The following FAM98A variants were observed in gnomAD, a reference collection of about 807,000 sequenced individuals.
FAM98A encodes the protein tRNA splicing ligase complex subunit 3A, also known as protein FAM98A.
Under a neutral mutation model 62.9 loss-of-function variants are expected in FAM98A, and 25 were observed. The observed-to-expected ratio is 0.40, with a 90% CI of 0.29 to 0.56. The LOEUF (loss-of-function observed/expected upper bound fraction) is 0.56, where lower values mean the gene tolerates loss of function less well. Among genes scored for constraint, FAM98A ranks in the 20% least tolerant of loss-of-function variants. The pLI is 0.51. For missense variants in FAM98A, 653 were observed against 640.7 expected (o/e 1.02, Z -0.21); for synonymous variants, 252 against 228.6 (o/e 1.10, Z -0.92).
intron 3 of FAM98A, 149 bp from the exon 4 acceptor site, chr2:33,588,668 C>T (rs1002225387): frequency 3.0e-5 from 14 of 472,062 alleles, no homozygotes; most frequent in Non-Finnish European, 5.1e-5. Context: ...CTTTTACCTG[C>T]AAATGAAATA....
In FAM98A at chr2:33,585,433, G is replaced by A; in HGVS notation, c.900C>T (p.Gly300=). 6.2e-7 allele frequency: 1 copy of A among 1,614,054 alleles called. No individual in the cohort carries two copies. The highest frequency in any genetic ancestry group is 1.1e-5 in the South Asian group (1 of 91,068). ...GTCTACCACCTCTGTCAGGCACCCT[G>A]CCCATCAACACCTACAGAATAGGAA... ...TACAINKVLM[G]RVPDRGGRPN... Residue 300 remains glycine, a synonymous_variant, in exon 8 of 8, where the codon GGC becomes GGT. Coordinates refer to ENST00000238823, the MANE Select transcript of FAM98A (RefSeq NM_015475.5).
chr2:33,590,317 T>G (rs6708570), intron 3 of FAM98A, among the ~76,000 whole-genome samples: 121,962 of 152,038 alleles, frequency 0.8, 49,561 homozygotes, highest in African/African-American at 0.9. Context: ...ATTCTATTTT[T>G]CCAACAATTC....
intron 3 of FAM98A, among the ~76,000 whole-genome samples, chr2:33,590,230 C>T (rs1317785014): frequency 6.6e-6 from 1 of 152,134 alleles, no homozygotes; most frequent in Middle Eastern, 3.4e-3. Context: ...CTCTGAGAAC[C>T]ATAAAAGGCC....
In FAM98A at chr2:33,599,275, C is replaced by T; in HGVS notation, c.-54G>A. 7.0e-7 allele frequency: 1 copy of T among 1,435,756 alleles called. No individual in the cohort carries two copies. Among genetic ancestry groups the T allele is most frequent in the South Asian group, 1.1e-5 (1 of 87,582 alleles). 88.9% of individuals were successfully genotyped at this position (1,435,756 alleles called of 1,614,324 possible). ...GTCAGGCTCCCCTCTTCGCCGGCAA[C>T]GCGTACACTCGCGCATGCGCGACTT... On this transcript the variant is annotated 5_prime_UTR_variant, in exon 1 of 8. Transcript: ENST00000238823.
intron 6 of FAM98A, among the ~76,000 whole-genome samples, chr2:33,585,946 G>T (rs191449839): frequency 6.6e-6 from 1 of 152,142 alleles, no homozygotes; most frequent in Admixed American, 6.5e-5. Context: ...GTGAGAGGGT[G>T]CCCCTTTAGG....
chr2:33,596,122 C>A (rs1403393093), intron 1 of FAM98A, among the ~76,000 whole-genome samples: 1 of 152,108 alleles, frequency 6.6e-6, no homozygotes, highest in African/African-American at 2.4e-5. Context: ...GGCTGAAGTG[C>A]AGTGAAGGCA....
rs1304584135 is a variant in FAM98A, at chr2:33,591,891, A to T, written c.337+189T>A. 4 of 467,288 alleles carry T rather than the reference A, an allele frequency of 8.6e-6. No individual in the cohort carries two copies. The East Asian group carries it at 1.3e-4, about 15-fold the overall frequency. 28.9% of individuals were successfully genotyped at this position (467,288 alleles called of 1,614,324 possible). The stretch of plus-strand genomic sequence containing the variant: ...TATTGAAAGAGTATCAGTTACAAAA[A>T]CAATAATGCTACCAGTGCACACGTC... On this transcript the variant is annotated intron_variant, in intron 3 of 7. Coordinates refer to ENST00000238823, the MANE Select transcript of FAM98A (RefSeq NM_015475.5).
rs1056463764 is a variant in FAM98A at position 33,585,128 on chromosome 2, G to A, written c.1205C>T (p.Ser402Leu). Residue 402 changes from serine (S) to leucine (L), a missense_variant, in exon 8 of 8, where the codon TCA (serine) becomes TTA (leucine). Ser to Leu is a moderately radical substitution (Grantham distance 145, BLOSUM62 -2). Coordinates refer to ENST00000238823, the MANE Select transcript of FAM98A (RefSeq NM_015475.5). ...GGYQDGGYRDSGFQPGGYHGG... is the reference protein window; with the variant it reads ...GGYQDGGYRDLGFQPGGYHGG... ...ATGATAGCCACCTGGCTGGAAACCT[G>A]AATCTCGATAACCACCATCTTGGTA... is the stretch of plus-strand genomic sequence containing the variant. 8.1e-6 allele frequency: 13 copies of A among 1,614,094 alleles called. No homozygotes were observed. The highest frequency in any genetic ancestry group is 1.1e-5 in the Non-Finnish European group (13 of 1,180,020).
Position 33,587,402 on chromosome 2 carries a change from A to G in FAM98A, c.523-82T>C, listed in dbSNP as rs528038590. 5 of 1,082,372 alleles carry G rather than the reference A, an allele frequency of 4.6e-6. No homozygotes were observed. In the East Asian group the frequency reaches 1.2e-4, roughly 26 times the overall value. 67.0% of individuals were successfully genotyped at this position (1,082,372 alleles called of 1,614,324 possible). On this transcript the variant is annotated intron_variant, in intron 4 of 7. Coordinates refer to ENST00000238823, the MANE Select transcript of FAM98A (RefSeq NM_015475.5). The stretch of plus-strand genomic sequence containing the variant: ...TTCCCAATTCCCATCATATCTTGCC[A>G]TCAAAAGAAGATTCCTGACAGAGGC...
intron 1 of FAM98A, 63 bp from the exon 2 acceptor site, chr2:33,595,700 A>G (rs1677796525): frequency 8.4e-7 from 1 of 1,189,648 alleles, no homozygotes; most frequent in Non-Finnish European, 1.2e-6. Context: ...TTACAGATAA[A>G]ACATATCTAT....
chr2:33,595,771 T>A (rs1338701914), intron 1 of FAM98A, 134 bp from the exon 2 acceptor site: 5 of 583,622 alleles, frequency 8.6e-6, no homozygotes, highest in Non-Finnish European at 1.4e-5. Context: ...TTATTTTAAA[T>A]GGACAAATAT....
chr2:33,598,916 G>A (rs1677886159), intron 1 of FAM98A, among the ~76,000 whole-genome samples: 2 of 152,168 alleles, frequency 1.3e-5, no homozygotes, highest in South Asian at 4.1e-4. Flanking sequence ...TGACACGCAT[G>A]ACTGACAAAC....
chr2:33,588,229 T>C, intron 4 of FAM98A, 106 bp downstream of exon 4: 1 of 845,338 alleles, frequency 1.2e-6, no homozygotes, highest in Non-Finnish European at 1.9e-6. Flanking sequence ...CTTAATAATA[T>C]ATGCACATTA....
chr2:33,584,523 G>A lies in FAM98A; in HGVS notation c.*253C>T. ...GGAATTAGTCTACTGGGCAATTAAA[G>A]GCAATTTTAACCACCTTTTAAAAAA... is the stretch of plus-strand genomic sequence containing the variant. On this transcript the variant is annotated 3_prime_UTR_variant, in exon 8 of 8. Coordinates refer to ENST00000238823, the MANE Select transcript of FAM98A (RefSeq NM_015475.5). 10 of 444,398 alleles carry A rather than the reference G, an allele frequency of 2.3e-5. No individual in the cohort carries two copies. In the Admixed American group the frequency reaches 3.0e-4, roughly 14 times the overall value. The allele number at this position is 444,398 out of a possible 1,614,324, so 27.5% of individuals were successfully genotyped here.
chr2:33,598,756 A>C (rs1677878018), intron 1 of FAM98A, among the ~76,000 whole-genome samples: 1 of 152,156 alleles, frequency 6.6e-6, no homozygotes, highest in South Asian at 2.1e-4. Context: ...GGAGGGGCTC[A>C]AGATGGGAGT....
At chr2:33,590,506 A>G (rs1677647308) in intron 3 of FAM98A, among the ~76,000 whole-genome samples, 1 of 152,214 alleles carries the variant, frequency 6.6e-6, no homozygotes, top group Admixed American at 6.5e-5. Flanking sequence ...TAAATGCTAG[A>G]ATGAAAGAGA....
chr2:33,588,106 G>T, intron 4 of FAM98A: 1 of 534,036 alleles, frequency 1.9e-6, no homozygotes, highest in Non-Finnish European at 3.5e-6. Context: ...CCAGTGTAAA[G>T]TTTCCTTTTT....
chr2:33,586,523 C>A, intron 6 of FAM98A, 39 bp downstream of exon 6: 1 of 1,320,206 alleles, frequency 7.6e-7, no homozygotes, highest in Non-Finnish European at 1.1e-6. Context: ...GGGATCATGT[C>A]TATAAATAGT....
Position 33,588,335 on chromosome 2 carries a change from T to C in FAM98A, c.522A>G (p.Lys174=). 1 of 1,596,782 alleles carries C rather than the reference T, an allele frequency of 6.3e-7. No individual in the cohort carries two copies. Among genetic ancestry groups the C allele is most frequent in the Non-Finnish European group, 8.6e-7 (1 of 1,168,636 alleles). ...MFQFFSGIEK[K]LKETLAKVPP... ...TACAATTTGGTACTAAAGGTCTTAC[T>C]TTTTTTTCAATCCCGCTGAAGAATT... The change falls in exon 4 of 8, where the codon AAA becomes AAG. Residue 174 remains lysine (K), a splice_region_variant and synonymous_variant. Coordinates refer to ENST00000238823, the MANE Select transcript of FAM98A (RefSeq NM_015475.5).
Sources: allele counts gnomAD v4.1 joint callset (sites outside exome capture counted in the v4.1 genomes callset), GRCh38; gene constraint gnomAD v4.1.1; transcripts MANE v1.5; gene names NCBI Gene and HGNC (gene_info 2026-07-23, HGNC 2026-07-21).